HECW2: variants seen among roughly 807,000 people sequenced by gnomAD.
HECW2 encodes the protein HECT, C2 and WW domain containing E3 ubiquitin protein ligase 2.
HECW2 carries 61 observed loss-of-function variants against 175.2 expected under a neutral mutation model. The ratio of observed to expected loss-of-function variants is 0.35; its 90% CI spans 0.28 to 0.43. HECW2 has a LOEUF of 0.43. Among genes scored for constraint, HECW2 ranks in the 20% least tolerant of loss-of-function variants. The probability of loss-of-function intolerance (pLI) is 1.00; values close to 1 mark genes in which losing one functional copy is unlikely to be tolerated. For synonymous variants in HECW2, 671 were observed against 731.0 expected (o/e 0.92, Z 1.32); for missense variants, 1,524 against 2,000.5 (o/e 0.76, Z 4.54).
chr2:196,231,530 T>A (rs1688056232), intron 21 of HECW2, among the ~76,000 whole-genome samples: 1 of 152,224 alleles, frequency 6.6e-6, no homozygotes, highest in Admixed American at 6.5e-5. Context: ...CCCATTTATG[T>A]ATTGATGTTG....
intron 1 of HECW2, among the ~76,000 whole-genome samples, chr2:196,558,650 TA>T (rs1689890139): frequency 6.6e-6 from 1 of 152,250 alleles, no homozygotes; most frequent in African/African-American, 2.4e-5. Context: ...ATCCCTTGTG[TA>T]AAATGGAATA....
At chr2:196,332,367 CAT>C (rs1227645749) in intron 4 of HECW2, among the ~76,000 whole-genome samples, 1 of 152,156 alleles carries the variant, frequency 6.6e-6, no homozygotes, top group East Asian at 1.9e-4. Context: ...ATGAGGTGCC[CAT>C]GAGGTACAGC....
chr2:196,271,006 C>T (rs1385946793), intron 17 of HECW2, among the ~76,000 whole-genome samples, 187 bp downstream of exon 17: 3 of 152,060 alleles, frequency 2.0e-5, no homozygotes, highest in Admixed American at 2.0e-4. Flanking sequence ...TTTTATTCAA[C>T]TTTTATACTT....
intron 1 of HECW2, among the ~76,000 whole-genome samples, chr2:196,446,437 TC>T (rs1696188553): frequency 6.6e-6 from 1 of 152,118 alleles, no homozygotes; most frequent in Non-Finnish European, 1.5e-5. Context: ...TTGCATCTCC[TC>T]CCCCTAGAAT....
At chr2:196,379,898 C>CAAAAAAAA (rs5837506) in intron 2 of HECW2, among the ~76,000 whole-genome samples, 1 of 127,676 alleles carries the variant, frequency 7.8e-6, no homozygotes, top group South Asian at 2.6e-4. Flanking sequence ...TATTCTCCAG[C>CAAAAAAAA]AAAAAAAAAA....
At chr2:196,299,752 A>AC (rs1280709083) in intron 13 of HECW2, among the ~76,000 whole-genome samples, 1 of 151,982 alleles carries the variant, frequency 6.6e-6, no homozygotes, top group Non-Finnish European at 1.5e-5. Flanking sequence ...ACATGGTGAA[A>AC]CCCCGTCTCT....
chr2:196,413,795 A>G (rs1695180051), intron 2 of HECW2, among the ~76,000 whole-genome samples: 1 of 152,160 alleles, frequency 6.6e-6, no homozygotes, highest in Non-Finnish European at 1.5e-5. Context: ...TCTAATCTGG[A>G]GCTCTCCCTG....
At chr2:196,355,588 T>C (rs1173129139) in intron 2 of HECW2, among the ~76,000 whole-genome samples, 1 of 152,184 alleles carries the variant, frequency 6.6e-6, no homozygotes, top group Non-Finnish European at 1.5e-5. Flanking sequence ...GAAAAGAACA[T>C]TTTAAGCCTC....
intron 1 of HECW2, among the ~76,000 whole-genome samples, chr2:196,527,134 C>T (rs893145638): frequency 2.6e-5 from 4 of 152,328 alleles, no homozygotes; most frequent in Middle Eastern, 3.4e-3. Context: ...AGCGAGACTC[C>T]GTGAGCCTAG....
chr2:196,508,796 C>T (rs1687850786), intron 1 of HECW2, among the ~76,000 whole-genome samples: 2 of 152,188 alleles, frequency 1.3e-5, no homozygotes, highest in Non-Finnish European at 1.5e-5. Context: ...TTCATTCTTT[C>T]CTTTCAGAGT....
intron 1 of HECW2, among the ~76,000 whole-genome samples, chr2:196,581,783 A>G (rs962636540): frequency 2.6e-5 from 4 of 152,086 alleles, no homozygotes; most frequent in Non-Finnish European, 5.9e-5. Flanking sequence ...TAAATAAACC[A>G]TGGACAGGCG....
At chr2:196,459,085 AC>A (rs1208579962) in intron 1 of HECW2, among the ~76,000 whole-genome samples, 1 of 152,222 alleles carries the variant, frequency 6.6e-6, no homozygotes. Context: ...AAACAAACAA[AC>A]AAATCAGCAC....
At chr2:196,395,672 G>A (rs889415391) in intron 2 of HECW2, among the ~76,000 whole-genome samples, 2 of 148,946 alleles carry the variant, frequency 1.3e-5, no homozygotes, top group South Asian at 2.1e-4. Flanking sequence ...AAATCACAAT[G>A]ATACCACTGT....
chr2:196,503,101 G>A (rs1300566462), intron 1 of HECW2, among the ~76,000 whole-genome samples: 1 of 152,158 alleles, frequency 6.6e-6, no homozygotes, highest in Admixed American at 6.5e-5. Context: ...ATGGGCACCT[G>A]TGCCAGCTCA....
At chr2:196,532,279 C>G (rs1409176493) in intron 1 of HECW2, among the ~76,000 whole-genome samples, 4 of 152,090 alleles carry the variant, frequency 2.6e-5, no homozygotes, top group African/African-American at 9.7e-5. Flanking sequence ...ACATATACAC[C>G]ACGGAATACT....
intron 1 of HECW2, among the ~76,000 whole-genome samples, chr2:196,495,339 T>A (rs1687353720): frequency 6.6e-6 from 1 of 152,156 alleles, no homozygotes; most frequent in South Asian, 2.1e-4. Context: ...GTGCTGGGAT[T>A]ACAGGCGTGA....
chr2:196,481,625 G>A (rs531164837), intron 1 of HECW2, among the ~76,000 whole-genome samples: 1 of 152,280 alleles, frequency 6.6e-6, no homozygotes, highest in East Asian at 1.9e-4. Flanking sequence ...TTCAAAGACG[G>A]ACTTTCATAA....
At chr2:196,349,520 CG>C (rs1376647497) in intron 2 of HECW2, among the ~76,000 whole-genome samples, 1 of 150,826 alleles carries the variant, frequency 6.6e-6, no homozygotes, top group African/African-American at 2.4e-5. Context: ...AAAAGTGAAA[CG>C]TGTGTGTGTG....
At chr2:196,374,776 A>T (rs1224454897) in intron 2 of HECW2, among the ~76,000 whole-genome samples, 1 of 151,992 alleles carries the variant, frequency 6.6e-6, no homozygotes, top group Admixed American at 6.6e-5. Context: ...ATCATCCACC[A>T]TAAGGTCACC....
Sources: gnomAD v4.1 joint callset for allele counts (sites outside exome capture counted in the v4.1 genomes callset) on GRCh38, gnomAD v4.1.1 for gene constraint, MANE v1.5 for transcripts, NCBI Gene and HGNC (gene_info 2026-07-23, HGNC 2026-07-21) for gene names.